Variants in NFATC2 observed in about 807,000 individuals in gnomAD.
The protein encoded by NFATC2 is nuclear factor of activated T cells 2.
A neutral mutation model predicts 87.3 loss-of-function variants in NFATC2; 22 were observed. That is an observed-to-expected ratio of 0.25 (90% confidence interval 0.18 to 0.36). The LOEUF is 0.36. Among genes scored for constraint, NFATC2 ranks in the 10% least tolerant of loss-of-function variants. The pLI is 1.00. For missense variants in NFATC2, 1,149 were observed against 1,259.1 expected, an observed-to-expected ratio of 0.91 and a Z score of 1.32; for synonymous variants, 565 against 542.2, an observed-to-expected ratio of 1.04 and a Z score of -0.58.
chr20:51,477,080 G>A (rs1015942810), intron 3 of NFATC2, among the ~76,000 whole-genome samples: 6 of 152,098 alleles, frequency 3.9e-5, no homozygotes, highest in African/African-American at 9.6e-5. Context: ...CAGGAGACAC[G>A]TACAAAAATG....
chr20:51,488,821 G>A (rs1331710850), intron 3 of NFATC2, among the ~76,000 whole-genome samples: 1 of 152,170 alleles, frequency 6.6e-6, no homozygotes, highest in Non-Finnish European at 1.5e-5. Flanking sequence ...AGCAGCCAGA[G>A]GGATCTTTTA....
intron 3 of NFATC2, among the ~76,000 whole-genome samples, chr20:51,502,033 C>T (rs1472037654): frequency 6.6e-6 from 1 of 152,164 alleles, no homozygotes; most frequent in Non-Finnish European, 1.5e-5. Context: ...GACTCTTTTT[C>T]TGGAATAATG....
intron 3 of NFATC2, among the ~76,000 whole-genome samples, chr20:51,493,275 T>C (rs1207552404): frequency 3.9e-5 from 6 of 152,022 alleles, no homozygotes; most frequent in Admixed American, 3.9e-4. Context: ...ACCCAATGAA[T>C]TGGTATAAGC....
intron 5 of NFATC2, among the ~76,000 whole-genome samples, chr20:51,468,629 C>G (rs1387547273): frequency 6.6e-6 from 1 of 152,230 alleles, no homozygotes; most frequent in Non-Finnish European, 1.5e-5. Context: ...CTGTGGACAT[C>G]TCCTGTCTCA....
intron 6 of NFATC2, among the ~76,000 whole-genome samples, chr20:51,444,969 C>T (rs1984865050): frequency 6.6e-6 from 1 of 152,090 alleles, no homozygotes; most frequent in African/African-American, 2.4e-5. Flanking sequence ...CCTTGGTGGG[C>T]TTGCCCCAAC....
intron 6 of NFATC2, among the ~76,000 whole-genome samples, chr20:51,440,690 A>C (rs1984207432): frequency 1.3e-5 from 2 of 152,198 alleles, no homozygotes. Flanking sequence ...ATCTGGCCTG[A>C]CCTGTACTTT....
At chr20:51,546,818 G>A (rs1352370688), upstream of NFATC2, among the ~76,000 whole-genome samples, 2 of 152,202 alleles carry the variant, frequency 1.3e-5, no homozygotes, top group Non-Finnish European at 1.5e-5. Context: ...CTGCCCTAGG[G>A]AGGCGATGTT....
intron 3 of NFATC2, among the ~76,000 whole-genome samples, chr20:51,483,853 T>G (rs1375593233): frequency 6.6e-6 from 1 of 152,020 alleles, no homozygotes; most frequent in East Asian, 1.9e-4. Context: ...TCCACTCTAG[T>G]GCCCTGGTCA....
At position 51,480,113 on chromosome 20, in the gene NFATC2, C is replaced by A. The variant is rs368311671; in HGVS notation, c.1333-4453G>T. On this transcript the variant is annotated intron_variant, in intron 3 of 10. Coordinates refer to ENST00000371564, the MANE Select transcript of NFATC2 (RefSeq NM_012340.5). The surrounding 1 kb of genome is among the most constrained non-coding windows in gnomAD (Gnocchi z 4.2). Reference sequence around the variant, plus strand: ...GACCAGCCCGGGCAACATGGTGAAACCCCGTCTCTGTGAAAAATACAAAAA... The same window carrying A: ...GACCAGCCCGGGCAACATGGTGAAAACCCGTCTCTGTGAAAAATACAAAAA... Among the ~76,000 whole-genome samples, 3 of 151,936 alleles carry A rather than the reference C, an allele frequency of 2.0e-5. No individual in the cohort carries two copies. Among genetic ancestry groups the A allele is most frequent in the African/African-American group, 7.3e-5 (3 of 41,326 alleles).
intron 9 of NFATC2, among the ~76,000 whole-genome samples, chr20:51,419,186 C>T (rs534710899): frequency 6.6e-6 from 1 of 152,202 alleles, no homozygotes; most frequent in Non-Finnish European, 1.5e-5. Flanking sequence ...CCTTTTGCAG[C>T]TGTTTTCTCA....
chr20:51,413,959 GTAA>G (rs1249894618), intron 9 of NFATC2, among the ~76,000 whole-genome samples: 5 of 152,158 alleles, frequency 3.3e-5, no homozygotes, highest in Admixed American at 6.5e-5. Context: ...CTGGTAAACA[GTAA>G]ACATCTAAGC....
Position 51,391,193 on chromosome 20 carries a change from A to G in NFATC2, c.*303T>C, listed in dbSNP as rs768687078. The G allele has an allele frequency of 1.7e-5, 12 of 696,848 alleles. No individual in the cohort carries two copies. The East Asian group carries it at 3.0e-4, about 17-fold the overall frequency. The allele number at this position is 696,848 out of a possible 1,614,324, so 43.2% of individuals were successfully genotyped here. On this transcript the variant is annotated 3_prime_UTR_variant, in exon 11 of 11. Coordinates refer to ENST00000371564, the MANE Select transcript of NFATC2 (RefSeq NM_012340.5). ...AACCAGGATGCTCTCTGGGATTTAA[A>G]ACATAAACCGAAAAGAAGAGTTCTC...
At chr20:51,489,236 G>A (rs939207868) in intron 3 of NFATC2, among the ~76,000 whole-genome samples, 1 of 150,304 alleles carries the variant, frequency 6.7e-6, no homozygotes, top group African/African-American at 2.5e-5. Flanking sequence ...CTGGGAGGAA[G>A]CTCACCAAGA....
chr20:51,537,368 T>C (rs886746600), intron 1 of NFATC2, among the ~76,000 whole-genome samples: 21 of 152,104 alleles, frequency 1.4e-4, no homozygotes, highest in Non-Finnish European at 1.9e-4. Context: ...TTTCATCAGC[T>C]TTTTAAAGGG....
intron 3 of NFATC2, among the ~76,000 whole-genome samples, chr20:51,495,298 G>C (rs2075969954): frequency 6.6e-6 from 1 of 152,170 alleles, no homozygotes; most frequent in African/African-American, 2.4e-5. Flanking sequence ...ATGTTGCCCA[G>C]GCTGGTCTTG....
At chr20:51,469,666 G>A (rs892091933) in intron 5 of NFATC2, among the ~76,000 whole-genome samples, 5 of 152,088 alleles carry the variant, frequency 3.3e-5, no homozygotes, top group East Asian at 1.9e-4. Flanking sequence ...GTGCATCCTC[G>A]TAAGCAACAG....
At chr20:51,487,015 G>A (rs1373557249) in intron 3 of NFATC2, among the ~76,000 whole-genome samples, 1 of 152,190 alleles carries the variant, frequency 6.6e-6, no homozygotes, top group Non-Finnish European at 1.5e-5. Context: ...GGAAAAGTGA[G>A]GCATGCGCAG....
chr20:51,430,231 C>T (rs1426112497), intron 9 of NFATC2, among the ~76,000 whole-genome samples: 1 of 152,170 alleles, frequency 6.6e-6, no homozygotes, highest in South Asian at 2.1e-4. Context: ...TCCAGCCCTG[C>T]ACAGACACTC....
Position 51,562,480 on chromosome 20 carries a change from G to T in NFATC2, c.70+80C>A. 7.7e-7 allele frequency: 1 copy of T among 1,293,344 alleles called. No individual in the cohort carries two copies. The highest frequency in any genetic ancestry group is 1.1e-6 in the Non-Finnish European group (1 of 922,726). 80.1% of individuals were successfully genotyped at this position (1,293,344 alleles called of 1,614,324 possible). ...CACCGACCTCTGCCGGGAGCTGAAA[G>T]TGCTGCCCGGGACGGGAGCAGCAGG... On this transcript the variant is annotated intron_variant, in intron 1 of 10. Transcript: ENST00000414705. The surrounding 1 kb of genome is among the most constrained non-coding windows in gnomAD (Gnocchi z 5.8).
Sources: allele counts gnomAD v4.1 joint callset (sites outside exome capture counted in the v4.1 genomes callset), GRCh38; gene constraint gnomAD v4.1.1; non-coding constraint Gnocchi (gnomAD v3.1); transcripts MANE v1.5; gene names NCBI Gene and HGNC (gene_info 2026-07-23, HGNC 2026-07-21).